Variants in KYNU observed in about 807,000 individuals in gnomAD.
The protein encoded by KYNU is kynureninase.
In KYNU, 54 loss-of-function variants were observed where a neutral mutation model predicts 59.2. The observed-to-expected ratio is 0.91, with a 90% CI of 0.73 to 1.14. The LOEUF is 1.14. KYNU is among the 50% of genes most tolerant of loss of function. The pLI is 0.00. For missense variants in KYNU, 567 were observed against 554.4 expected (o/e 1.02, Z -0.23); for synonymous variants, 177 against 192.0 (o/e 0.92, Z 0.65).
At chr2:143,005,744 G>A (rs1415949181) in intron 10 of KYNU, among the ~76,000 whole-genome samples, 2 of 151,702 alleles carry the variant, frequency 1.3e-5, no homozygotes, top group Non-Finnish European at 2.9e-5. Context: ...TTTTTGCCAT[G>A]GAAAGTAATG....
chr2:142,991,031 C>T (rs1377829455), intron 10 of KYNU, among the ~76,000 whole-genome samples: 3 of 151,726 alleles, frequency 2.0e-5, no homozygotes, highest in African/African-American at 7.3e-5. Flanking sequence ...CCAGGAAAGT[C>T]CCAGAAAGAA....
rs538749525 is a variant in KYNU at position 143,000,444 on chromosome 2, G to C, written c.902+14423G>C. 5.3e-5 allele frequency among the ~76,000 whole-genome samples: 8 copies of C among 152,174 alleles called. No homozygotes were observed. The South Asian group carries it at 1.7e-3, about 32-fold the overall frequency. On this transcript the variant is annotated intron_variant, in intron 10 of 13. Coordinates refer to ENST00000264170, the MANE Select transcript of KYNU (RefSeq NM_003937.3). The stretch of plus-strand genomic sequence containing the variant: ...TTATTCTATTGATCTTACTCTTATT[G>C]AGGTCAAAATAGAATACAGAGACAA...
intron 10 of KYNU, among the ~76,000 whole-genome samples, chr2:143,014,362 G>A (rs1040614415): frequency 2.0e-5 from 3 of 152,136 alleles, no homozygotes; most frequent in Admixed American, 6.5e-5. Context: ...CCTTTTCTGA[G>A]GCTTCTCCTT....
chr2:142,935,940 G>T (rs1475895758), intron 4 of KYNU, among the ~76,000 whole-genome samples: 1 of 152,132 alleles, frequency 6.6e-6, no homozygotes, highest in Non-Finnish European at 1.5e-5. Flanking sequence ...TGTCCTGATG[G>T]GACGGTGTAG....
At chr2:142,878,949 G>C (rs1681195003) in intron 1 of KYNU, among the ~76,000 whole-genome samples, 1 of 152,140 alleles carries the variant, frequency 6.6e-6, no homozygotes, top group Admixed American at 6.5e-5. Flanking sequence ...TAGGTGATTT[G>C]TCTGAGACCA....
chr2:142,980,801 T>C (rs1440574896), intron 8 of KYNU, among the ~76,000 whole-genome samples: 1 of 152,128 alleles, frequency 6.6e-6, no homozygotes, highest in Non-Finnish European at 1.5e-5. Context: ...AAATAAAATG[T>C]GTTGAAAAAT....
intron 8 of KYNU, among the ~76,000 whole-genome samples, chr2:142,984,665 T>C (rs1045352674): frequency 6.6e-6 from 1 of 151,014 alleles, no homozygotes; most frequent in African/African-American, 2.5e-5. Context: ...ATATTGAGAT[T>C]TAATGAAAAT....
chr2:142,939,210 C>T (rs1440593010), intron 4 of KYNU, among the ~76,000 whole-genome samples: 1 of 151,986 alleles, frequency 6.6e-6, no homozygotes, highest in East Asian at 1.9e-4. Flanking sequence ...CAAAAGCAAA[C>T]TCAAGTTCCT....
At chr2:142,937,798 T>C (rs1022481756) in intron 4 of KYNU, among the ~76,000 whole-genome samples, 2 of 152,238 alleles carry the variant, frequency 1.3e-5, no homozygotes, top group Non-Finnish European at 2.9e-5. Flanking sequence ...TGCCTCCATT[T>C]AGGTAACAGT....
chr2:142,886,661 A>G (rs1326950919), intron 2 of KYNU, among the ~76,000 whole-genome samples: 2 of 152,224 alleles, frequency 1.3e-5, no homozygotes, highest in Admixed American at 1.3e-4. Flanking sequence ...AAATACTGCT[A>G]TGGGAGTGAA....
intron 4 of KYNU, chr2:142,947,044 C>T (rs1683810869): frequency 1.2e-5 from 18 of 1,547,392 alleles, no homozygotes; most frequent in African/African-American, 1.4e-5. Context: ...ATTCTCACCT[C>T]ACCCTTCCCC....
chr2:143,018,524 AT>A (rs1284753075), intron 10 of KYNU, among the ~76,000 whole-genome samples: 1 of 152,194 alleles, frequency 6.6e-6, no homozygotes, highest in East Asian at 1.9e-4. Context: ...GTATCATGCC[AT>A]TTTGATTACT....
chr2:143,032,689 CT>C (rs954412992), intron 11 of KYNU, among the ~76,000 whole-genome samples: 16 of 69,946 alleles, frequency 2.3e-4, no homozygotes, highest in African/African-American at 4.1e-4. Flanking sequence ...TTAGGCAGAT[CT>C]TTTTTTTAAA....
chr2:142,921,123 G>C (rs1354066405), intron 3 of KYNU, among the ~76,000 whole-genome samples: 1 of 152,192 alleles, frequency 6.6e-6, no homozygotes, highest in Non-Finnish European at 1.5e-5. Flanking sequence ...GGGGTAGTTT[G>C]ATGAACAGCC....
chr2:142,956,160 A>C (rs538833003), intron 5 of KYNU, 43 bp from the exon 6 acceptor site: 2 of 1,056,472 alleles, frequency 1.9e-6, no homozygotes, highest in Admixed American at 3.5e-5. Flanking sequence ...CAAATGTATA[A>C]ATTGTGTATT....
chr2:142,896,701 G>A (rs543790183), intron 2 of KYNU, among the ~76,000 whole-genome samples: 1 of 151,982 alleles, frequency 6.6e-6, no homozygotes, highest in East Asian at 1.9e-4. Context: ...TGCCCAGACT[G>A]GTCTTGAACT....
intron 10 of KYNU, among the ~76,000 whole-genome samples, chr2:143,000,964 T>A (rs938586875): frequency 6.6e-6 from 1 of 152,258 alleles, no homozygotes; most frequent in African/African-American, 2.4e-5. Flanking sequence ...CTTGAGTCTC[T>A]GGTTTCATAT....
intron 6 of KYNU, among the ~76,000 whole-genome samples, 188 bp downstream of exon 6, chr2:142,956,462 G>C (rs140374470): frequency 2.6e-5 from 4 of 152,058 alleles, no homozygotes; most frequent in African/African-American, 4.8e-5. Context: ...AGTAAAACAC[G>C]TGTTAAGGGA....
intron 11 of KYNU, among the ~76,000 whole-genome samples, chr2:143,030,655 G>T (rs11678473): frequency 0.64 from 95,722 of 150,250 alleles, 31,342 homozygotes; most frequent in Middle Eastern, 0.72. Flanking sequence ...TGATGATGCT[G>T]ATTATTATTA....
Sources: allele counts gnomAD v4.1 joint callset (sites outside exome capture counted in the v4.1 genomes callset), GRCh38; gene constraint gnomAD v4.1.1; transcripts MANE v1.5; gene names NCBI Gene and HGNC (gene_info 2026-07-23, HGNC 2026-07-21).